Variants in DDX4 observed in about 807,000 individuals in gnomAD.
The protein encoded by DDX4 is probable ATP-dependent RNA helicase DDX4.
In DDX4, 25 loss-of-function variants were observed where a neutral mutation model predicts 100.0. The observed-to-expected ratio is 0.25, with a 90% confidence interval of 0.18 to 0.35. The LOEUF is 0.35. DDX4 is among the 10% of genes least tolerant of loss of function. The pLI is 1.00. For synonymous variants in DDX4, 259 were observed against 275.7 expected, an observed-to-expected ratio of 0.94 and a Z score of 0.60; for missense variants, 635 against 882.4, an observed-to-expected ratio of 0.72 and a Z score of 3.55.
intron 3 of DDX4, among the ~76,000 whole-genome samples, chr5:55,755,973 G>C (rs1759906172): frequency 6.6e-6 from 1 of 152,054 alleles, no homozygotes; most frequent in Non-Finnish European, 1.5e-5. Context: ...CCCTATAAAT[G>C]GCAGTCATAT....
chr5:55,778,843 G>A (rs1011390560), intron 7 of DDX4, among the ~76,000 whole-genome samples: 2 of 151,246 alleles, frequency 1.3e-5, no homozygotes, highest in African/African-American at 2.4e-5. Flanking sequence ...GCAGTGAGCC[G>A]AGATGATGCC....
chr5:55,792,848 T>TAC, intron 17 of DDX4, 41 bp downstream of exon 17: 1 of 1,108,146 alleles, frequency 9.0e-7, no homozygotes, highest in East Asian at 3.5e-5. Context: ...TATATATATA[T>TAC]ACATACTTTT....
At chr5:55,805,097 A>C (rs939433366) in intron 18 of DDX4, among the ~76,000 whole-genome samples, 275 of 151,406 alleles carry the variant, frequency 1.8e-3, no homozygotes, top group African/African-American at 4.8e-3. Flanking sequence ...TGTGAATGGG[A>C]GTTCACTCAT....
chr5:55,810,111 T>C (rs1209292244), intron 18 of DDX4, among the ~76,000 whole-genome samples: 2 of 152,268 alleles, frequency 1.3e-5, no homozygotes, highest in South Asian at 2.1e-4. Context: ...TATTTTTTTT[T>C]TCTTTTTTTG....
Position 55,805,438 on chromosome 5 carries a change from C to A in DDX4, c.1615+6867C>A, listed in dbSNP as rs1183799886. Among the ~76,000 whole-genome samples the A allele has an allele frequency of 3.3e-5, 5 of 151,036 alleles. No homozygotes were observed. In the East Asian group the frequency reaches 7.8e-4, roughly 24 times the overall value. On this transcript the variant is annotated intron_variant, in intron 18 of 21. Transcript: ENST00000505374. Reference sequence around the variant, plus strand: ...GGAATGCTTCCAGTTTTTGCCCATTCAGTATGATATTGGCTGTGGGTTTGT... The same window carrying A: ...GGAATGCTTCCAGTTTTTGCCCATTAAGTATGATATTGGCTGTGGGTTTGT...
intron 6 of DDX4, among the ~76,000 whole-genome samples, 153 bp downstream of exon 6, chr5:55,764,217 T>C (rs1435503543): frequency 3.3e-5 from 5 of 152,188 alleles, no homozygotes; most frequent in Non-Finnish European, 7.4e-5. Flanking sequence ...ACCAAGGATA[T>C]TACTGCTTTG....
At chr5:55,749,244 A>G (rs2111636137) in intron 3 of DDX4, among the ~76,000 whole-genome samples, 1 of 152,272 alleles carries the variant, frequency 6.6e-6, no homozygotes, top group Non-Finnish European at 1.5e-5. Flanking sequence ...AACAAAGTAA[A>G]CAAAGTGAGA....
At chr5:55,813,614 C>G in intron 18 of DDX4, 59 bp from the exon 19 acceptor site, 1 of 1,484,618 alleles carries the variant, frequency 6.7e-7, no homozygotes, top group South Asian at 1.5e-5. Context: ...CCTATCCCTG[C>G]TTTATTTTTC....
chr5:55,798,668 A>G, intron 18 of DDX4, 97 bp downstream of exon 18: 1 of 1,228,062 alleles, frequency 8.1e-7, no homozygotes, highest in Non-Finnish European at 1.1e-6. Flanking sequence ...GACTTTTCAT[A>G]AGTTTGTTTT....
intron 6 of DDX4, among the ~76,000 whole-genome samples, chr5:55,765,413 A>AATATATATATATATATATATATATAT (rs397997793): frequency 1.2e-5 from 1 of 83,040 alleles, no homozygotes; most frequent in African/African-American, 5.8e-5. Context: ...AAAAAAAAAA[A>AATATATATATATATATATATATATAT]ATATATATAT....
In DDX4 at chr5:55,766,982, C is replaced by G. The variant is rs1464215807; in HGVS notation, c.335-899C>G. ...AACTCTCCAGGTAGTTTTCAGGCAGCCTTCAGTATAGTAATCTCTCATACT... is the reference window on the plus strand; with the variant it reads ...AACTCTCCAGGTAGTTTTCAGGCAGGCTTCAGTATAGTAATCTCTCATACT... On this transcript the variant is annotated intron_variant, in intron 6 of 21. Transcript: ENST00000505374. 7.8e-6 allele frequency: 12 copies of G among 1,532,602 alleles called. No individual in the cohort carries two copies. In the Admixed American group the frequency reaches 1.6e-4, roughly 20 times the overall value. The allele number at this position is 1,532,602 out of a possible 1,614,324, so 94.9% of individuals were successfully genotyped here.
At chr5:55,798,297 C>G in intron 17 of DDX4, 129 bp from the exon 18 acceptor site, 1 of 987,432 alleles carries the variant, frequency 1.0e-6, no homozygotes, top group Non-Finnish European at 1.4e-6. Context: ...TATAAGTAAC[C>G]AACCATCTTA....
chr5:55,747,999 C>G (rs990108864), intron 3 of DDX4, among the ~76,000 whole-genome samples: 2 of 152,156 alleles, frequency 1.3e-5, no homozygotes, highest in Admixed American at 1.3e-4. Flanking sequence ...GAGGTAGTTT[C>G]CAAAATGTGA....
chr5:55,807,513 G>A lies in DDX4; in HGVS notation c.1616-6160G>A, dbSNP rs184687810. Among the ~76,000 whole-genome samples the A allele has an allele frequency of 2.0e-4, 30 of 152,254 alleles. No homozygotes were observed. The East Asian group carries it at 5.6e-3, about 28-fold the overall frequency. ...TCCTTCAGGAGCTCTTTTAGGGAAG[G>A]CCTGGTGGTGACAAAATGTCTCAGC... On this transcript the variant is annotated intron_variant, in intron 18 of 21. Transcript: ENST00000505374.
intron 18 of DDX4, among the ~76,000 whole-genome samples, chr5:55,813,119 A>G (rs1206777127): frequency 2.6e-5 from 4 of 152,146 alleles, no homozygotes; most frequent in Non-Finnish European, 5.9e-5. Context: ...TTAACAAGTT[A>G]AGACCCTGGG....
At chr5:55,816,360 A>C in intron 21 of DDX4, 103 bp from the exon 22 acceptor site, 1 of 1,460,548 alleles carries the variant, frequency 6.8e-7, no homozygotes. Flanking sequence ...GACATGGTAG[A>C]TACTTTGAGT....
chr5:55,794,302 C>T (rs988977809), intron 17 of DDX4, among the ~76,000 whole-genome samples: 10 of 151,822 alleles, frequency 6.6e-5, no homozygotes, highest in African/African-American at 2.4e-4. Context: ...ATTCTCCTGC[C>T]TCAGCCTCCC....
intron 16 of DDX4, 89 bp from the exon 17 acceptor site, chr5:55,792,552 A>G: frequency 1.5e-6 from 1 of 648,138 alleles, no homozygotes. Flanking sequence ...TTTTTTTCTT[A>G]ACAGTATTTT....
chr5:55,785,284 A>T lies in DDX4; in HGVS notation c.626-13A>T. 2 of 1,569,650 alleles carry T rather than the reference A, an allele frequency of 1.3e-6. No homozygotes were observed. The highest frequency in any genetic ancestry group is 2.2e-5 in the South Asian group (2 of 89,064). Reference sequence around the variant, plus strand: ...CATCTTGACCGATTGTCACTTATGAATTTCTTTAATAGGTGGTTACAAAGG... The same window carrying T: ...CATCTTGACCGATTGTCACTTATGATTTTCTTTAATAGGTGGTTACAAAGG... On this transcript the variant is annotated splice_polypyrimidine_tract_variant and intron_variant, in intron 10 of 21. Transcript: ENST00000505374.
Sources: gnomAD v4.1 joint callset for allele counts (sites outside exome capture counted in the v4.1 genomes callset) on GRCh38, gnomAD v4.1.1 for gene constraint, MANE v1.5 for transcripts, NCBI Gene and HGNC (gene_info 2026-07-23, HGNC 2026-07-21) for gene names.